IMMP2L: variants seen among roughly 807,000 people sequenced by gnomAD.
The protein encoded by IMMP2L is inner mitochondrial membrane peptidase subunit 2, also known as mitochondrial inner membrane protease subunit 2.
In IMMP2L, 18 loss-of-function variants were observed where a neutral mutation model predicts 19.3. The observed-to-expected ratio is 0.93, with a 90% CI of 0.64 to 1.38. IMMP2L has a LOEUF of 1.38. Ranked by LOEUF, IMMP2L falls within the 40% of genes most tolerant of loss-of-function variation. The probability of loss-of-function intolerance (pLI) is 0.00; values close to 1 mark genes in which losing one functional copy is unlikely to be tolerated. For missense variants in IMMP2L, 233 were observed against 218.2 expected, an observed-to-expected ratio of 1.07 and a Z score of -0.43; for synonymous variants, 76 against 73.0, an observed-to-expected ratio of 1.04 and a Z score of -0.21.
At chr7:111,230,616 T>A (rs1001568465) in intron 3 of IMMP2L, among the ~76,000 whole-genome samples, 1 of 152,084 alleles carries the variant, frequency 6.6e-6, no homozygotes, top group Admixed American at 6.6e-5. Flanking sequence ...TACATTTATT[T>A]ATTCATTCCA....
chr7:111,272,752 C>T (rs1818602690), intron 3 of IMMP2L, among the ~76,000 whole-genome samples: 1 of 152,158 alleles, frequency 6.6e-6, no homozygotes, highest in Admixed American at 6.5e-5. Flanking sequence ...GCTCACCTAG[C>T]CCTTTTCTTT....
chr7:110,948,692 C>G (rs1271595352), intron 4 of IMMP2L, among the ~76,000 whole-genome samples: 1 of 152,104 alleles, frequency 6.6e-6, no homozygotes, highest in Admixed American at 6.6e-5. Context: ...AGCTCTTCCC[C>G]CTTGTGATAT....
At chr7:111,024,026 C>T (rs1024566194) in intron 3 of IMMP2L, among the ~76,000 whole-genome samples, 1 of 152,070 alleles carries the variant, frequency 6.6e-6, no homozygotes, top group Non-Finnish European at 1.5e-5. Context: ...CCATATTAAA[C>T]CCACAAATGA....
At chr7:111,119,434 C>G (rs189450943) in intron 3 of IMMP2L, among the ~76,000 whole-genome samples, 134 of 152,222 alleles carry the variant, frequency 8.8e-4, no homozygotes, top group African/African-American at 3.2e-3. Context: ...CAGTAATTGG[C>G]ATGTAGAAAG....
intron 5 of IMMP2L, among the ~76,000 whole-genome samples, chr7:110,715,532 T>A (rs78032289): frequency 1.3e-5 from 2 of 152,198 alleles, no homozygotes; most frequent in Admixed American, 1.3e-4. Context: ...TTCCCAAAAA[T>A]CATTCAGGAG....
chr7:111,052,064 C>A (rs1246438300), intron 3 of IMMP2L, among the ~76,000 whole-genome samples: 1 of 152,186 alleles, frequency 6.6e-6, no homozygotes, highest in Non-Finnish European at 1.5e-5. Flanking sequence ...TTCTTTGTAG[C>A]AATACCCACC....
At chr7:111,347,028 T>C (rs1052852514) in intron 3 of IMMP2L, among the ~76,000 whole-genome samples, 6 of 152,042 alleles carry the variant, frequency 3.9e-5, no homozygotes, top group South Asian at 2.1e-4. Context: ...ACTAATGTGA[T>C]TGATAAGGAG....
At chr7:110,767,785 C>T (rs1476645979) in intron 5 of IMMP2L, among the ~76,000 whole-genome samples, 1 of 152,158 alleles carries the variant, frequency 6.6e-6, no homozygotes, top group Non-Finnish European at 1.5e-5. Flanking sequence ...CTTCATGCTA[C>T]AGCCAGGAGG....
intron 3 of IMMP2L, among the ~76,000 whole-genome samples, chr7:111,361,750 C>G (rs778985713): frequency 1.3e-5 from 2 of 152,056 alleles, no homozygotes; most frequent in Non-Finnish European, 2.9e-5. Context: ...TTTATCATAA[C>G]CTGTATGTCA....
In IMMP2L at chr7:111,534,031, C is replaced by T. The variant is rs549603160; in HGVS notation, c.-2-12582G>A. ...ACAAAATATGGACAGTATATAAAGA[C>T]ATAAAAAGATGTACAAACACACTAA... On this transcript the variant is annotated intron_variant, in intron 1 of 5. Transcript: ENST00000405709. Among the ~76,000 whole-genome samples the T allele has an allele frequency of 1.4e-4, 21 of 151,908 alleles. 1 individual carries two copies. In the South Asian group the frequency reaches 4.4e-3, roughly 32 times the overall value.
At chr7:111,125,002 TA>T (rs1562824987) in intron 3 of IMMP2L, 1 of 835,462 alleles carries the variant, frequency 1.2e-6, no homozygotes, top group Non-Finnish European at 1.8e-6. Flanking sequence ...AACAAAAAAG[TA>T]AAAAAAGATT....
chr7:111,298,084 C>A (rs992153620), intron 3 of IMMP2L, among the ~76,000 whole-genome samples: 3 of 151,976 alleles, frequency 2.0e-5, no homozygotes, highest in Non-Finnish European at 2.9e-5. Flanking sequence ...GAAAATGTGG[C>A]GTATGCTTAA....
At chr7:110,736,326 T>A (rs574273007) in intron 5 of IMMP2L, among the ~76,000 whole-genome samples, 2 of 152,138 alleles carry the variant, frequency 1.3e-5, no homozygotes, top group African/African-American at 4.8e-5. Flanking sequence ...AGAGTCCCCA[T>A]TGGGGCAATG....
intron 3 of IMMP2L, among the ~76,000 whole-genome samples, chr7:111,458,332 T>C (rs1042217505): frequency 1.3e-5 from 2 of 151,832 alleles, no homozygotes; most frequent in African/African-American, 4.8e-5. Context: ...TGAGCCAAGA[T>C]CATGCCACTG....
chr7:111,034,275 G>C (rs1791120645), intron 3 of IMMP2L, among the ~76,000 whole-genome samples: 1 of 152,046 alleles, frequency 6.6e-6, no homozygotes, highest in African/African-American at 2.4e-5. Flanking sequence ...TTACCCTGCA[G>C]TGAATTTACA....
chr7:111,152,190 A>G (rs984499961), intron 3 of IMMP2L, among the ~76,000 whole-genome samples: 1 of 152,160 alleles, frequency 6.6e-6, no homozygotes, highest in Non-Finnish European at 1.5e-5. Flanking sequence ...ATAATTTAGT[A>G]TATGTTCAAA....
chr7:111,238,647 A>G (rs2129628149), intron 3 of IMMP2L, among the ~76,000 whole-genome samples: 1 of 152,104 alleles, frequency 6.6e-6, no homozygotes, highest in South Asian at 2.1e-4. Flanking sequence ...ACCCCTCAAA[A>G]GGTAAAATAT....
chr7:111,322,235 G>GC (rs1370245770), intron 3 of IMMP2L, among the ~76,000 whole-genome samples: 1 of 151,768 alleles, frequency 6.6e-6, no homozygotes, highest in Non-Finnish European at 1.5e-5. Context: ...TAAAAGGCTG[G>GC]CCCCCAGATT....
At chr7:110,957,003 G>A (rs1372486548) in intron 4 of IMMP2L, among the ~76,000 whole-genome samples, 1 of 151,900 alleles carries the variant, frequency 6.6e-6, no homozygotes, top group Admixed American at 6.6e-5. Context: ...TATTTCGGTG[G>A]AACTAATGGG....
Sources: gnomAD v4.1 joint callset for allele counts (sites outside exome capture counted in the v4.1 genomes callset) on GRCh38, gnomAD v4.1.1 for gene constraint, MANE v1.5 for transcripts, NCBI Gene and HGNC (gene_info 2026-07-23, HGNC 2026-07-21) for gene names.